KCNK2: variants seen among roughly 807,000 people sequenced by gnomAD.
The protein encoded by KCNK2 is potassium two pore domain channel subfamily K member 2.
A neutral mutation model predicts 40.5 loss-of-function variants in KCNK2; 21 were observed. The observed-to-expected ratio is 0.52, with a 90% confidence interval of 0.37 to 0.75. The LOEUF is 0.75. Among genes scored for constraint, KCNK2 ranks in the 30% least tolerant of loss-of-function variants. The pLI, the probability that KCNK2 is intolerant of heterozygous loss-of-function variation, is 0.00. For synonymous variants in KCNK2, 191 were observed against 202.2 expected (o/e 0.94, Z 0.47); for missense variants, 399 against 531.6 (o/e 0.75, Z 2.45).
At chr1:215,018,543 C>G (rs1656671173) in intron 1 of KCNK2, among the ~76,000 whole-genome samples, 1 of 152,096 alleles carries the variant, frequency 6.6e-6, no homozygotes, top group Admixed American at 6.5e-5. Context: ...ACTCAAGGAA[C>G]TCCTCTTTAA....
At chr1:215,018,882 T>A (rs1203498415) in intron 1 of KCNK2, among the ~76,000 whole-genome samples, 2 of 151,562 alleles carry the variant, frequency 1.3e-5, no homozygotes, top group East Asian at 3.9e-4. Flanking sequence ...ATTGGAGGGG[T>A]CAAGAGCAGA....
In KCNK2 at chr1:215,076,774, G is replaced by A. The variant is rs542314740; in HGVS notation, c.35-9594G>A. Among the ~76,000 whole-genome samples the A allele has an allele frequency of 5.3e-5, 8 of 152,234 alleles. No homozygotes were observed. The East Asian group carries it at 5.8e-4, about 11-fold the overall frequency. The stretch of plus-strand genomic sequence containing the variant: ...AATACTATGAGGCAGGAATCATTGC[G>A]GGGGTCAACTTAGGGACCCCCCACA... On this transcript the variant is annotated intron_variant, in intron 1 of 6. Transcript: ENST00000391895.
intron 1 of KCNK2, among the ~76,000 whole-genome samples, chr1:215,010,902 G>GTA: frequency 7.3e-6 from 1 of 136,318 alleles, no homozygotes; most frequent in East Asian, 2.2e-4. Flanking sequence ...GTGTGTATGT[G>GTA]TGTGTATATA....
At chr1:215,080,563 G>A (rs1342537843), upstream of KCNK2, among the ~76,000 whole-genome samples, 1 of 151,742 alleles carries the variant, frequency 6.6e-6, no homozygotes, top group South Asian at 2.1e-4. Context: ...TCACTCAGAT[G>A]TTTATCAAAC....
At chr1:215,028,842 C>T (rs568782601) in intron 1 of KCNK2, among the ~76,000 whole-genome samples, 2 of 152,232 alleles carry the variant, frequency 1.3e-5, no homozygotes, top group African/African-American at 4.8e-5. Context: ...GATTTCTATA[C>T]ACCATAGACA....
At chr1:215,214,426 CAT>C (rs1665874911) in intron 6 of KCNK2, among the ~76,000 whole-genome samples, 2 of 152,166 alleles carry the variant, frequency 1.3e-5, no homozygotes, top group Admixed American at 1.3e-4. Flanking sequence ...TACAATTTGA[CAT>C]GAGATTTGGG....
At chr1:215,007,027 A>ATGTGTGTGTGTG (rs1398954474) in intron 1 of KCNK2, among the ~76,000 whole-genome samples, 193 of 56,046 alleles carry the variant, frequency 3.4e-3, no homozygotes, top group Non-Finnish European at 5.8e-3. Flanking sequence ...ATATATATAT[A>ATGTGTGTGTGTG]TATATATATA....
At chr1:215,089,696 A>T (rs2102534608) in intron 2 of KCNK2, among the ~76,000 whole-genome samples, 1 of 152,308 alleles carries the variant, frequency 6.6e-6, no homozygotes, top group South Asian at 2.1e-4. Flanking sequence ...GGAGGGGCAA[A>T]GACATCAAAA....
At chr1:215,094,703 AAGT>A (rs1382152754) in intron 2 of KCNK2, among the ~76,000 whole-genome samples, 2 of 152,118 alleles carry the variant, frequency 1.3e-5, no homozygotes, top group Non-Finnish European at 2.9e-5. Context: ...TAAAACATGA[AAGT>A]AGTCTGTCAG....
intron 2 of KCNK2, among the ~76,000 whole-genome samples, chr1:215,108,880 A>T (rs1459024126): frequency 6.6e-6 from 1 of 151,980 alleles, no homozygotes; most frequent in African/African-American, 2.4e-5. Flanking sequence ...AAATATCTTC[A>T]CGTGCTAACA....
Position 215,227,687 on chromosome 1 carries a change from G to A in KCNK2, c.964-7141G>A, listed in dbSNP as rs538658009. On this transcript the variant is annotated intron_variant, in intron 6 of 6. Coordinates refer to ENST00000444842, the MANE Select transcript of KCNK2 (RefSeq NM_001017425.3). ...TGCATTTGAGGGGATAGGGAATTAA[G>A]TCAGCAAGATTGGTTAGCAGACCAC... 3.3e-5 allele frequency among the ~76,000 whole-genome samples: 5 copies of A among 152,298 alleles called. No homozygotes were observed. In the East Asian group the frequency reaches 7.7e-4, roughly 24 times the overall value.
intron 2 of KCNK2, among the ~76,000 whole-genome samples, chr1:215,116,005 C>G (rs952021945): frequency 6.8e-6 from 1 of 147,440 alleles, no homozygotes. Flanking sequence ...CATTGAGGCT[C>G]AAAGGAAAAA....
intron 6 of KCNK2, among the ~76,000 whole-genome samples, chr1:215,200,362 A>G (rs1190523881): frequency 1.3e-5 from 2 of 152,180 alleles, no homozygotes; most frequent in Non-Finnish European, 2.9e-5. Flanking sequence ...TGTTTCAGGA[A>G]AAGAGCTGGG....
intron 1 of KCNK2, among the ~76,000 whole-genome samples, chr1:215,084,039 T>C (rs1446634885): frequency 1.3e-5 from 2 of 152,218 alleles, no homozygotes; most frequent in African/African-American, 2.4e-5. Flanking sequence ...TCTGCTTTTA[T>C]TTTTTAAAAA....
intron 5 of KCNK2, among the ~76,000 whole-genome samples, chr1:215,190,414 T>G (rs115439261): frequency 3.3e-3 from 510 of 152,260 alleles, no homozygotes; most frequent in African/African-American, 0.012. Context: ...GGATAAATGA[T>G]AAGAAGGACA....
chr1:215,160,774 T>A (rs936068408), intron 3 of KCNK2, among the ~76,000 whole-genome samples: 1 of 152,162 alleles, frequency 6.6e-6, no homozygotes, highest in African/African-American at 2.4e-5. Context: ...TCTTTCCTTC[T>A]GAGTCTGTAC....
chr1:215,034,668 T>TGA (rs568689344), intron 1 of KCNK2, among the ~76,000 whole-genome samples: 88 of 152,270 alleles, frequency 5.8e-4, no homozygotes, highest in Middle Eastern at 6.8e-3. Context: ...CTTCCTCCAC[T>TGA]GAAATTCTTT....
At chr1:215,049,626 A>G (rs1657912372) in intron 1 of KCNK2, among the ~76,000 whole-genome samples, 1 of 152,176 alleles carries the variant, frequency 6.6e-6, no homozygotes, top group South Asian at 2.1e-4. Context: ...ACACCTCTAC[A>G]TGTTACAGTG....
intron 1 of KCNK2, among the ~76,000 whole-genome samples, chr1:215,076,861 T>C (rs1658960775): frequency 6.6e-6 from 1 of 152,212 alleles, no homozygotes; most frequent in Non-Finnish European, 1.5e-5. Flanking sequence ...TTAAGGCTCT[T>C]GATATCAAGT....
Sources: allele counts gnomAD v4.1 joint callset (sites outside exome capture counted in the v4.1 genomes callset), GRCh38; gene constraint gnomAD v4.1.1; transcripts MANE v1.5; gene names NCBI Gene and HGNC (gene_info 2026-07-23, HGNC 2026-07-21).